The following MINDY2 variants were observed in gnomAD, a reference collection of about 807,000 sequenced individuals.
MINDY2 encodes ubiquitin carboxyl-terminal hydrolase MINDY-2.
MINDY2 carries 52 observed loss-of-function variants against 68.2 expected under a neutral mutation model. The observed-to-expected ratio is 0.76, with a 90% CI of 0.61 to 0.96. The LOEUF (loss-of-function observed/expected upper bound fraction) is 0.96. Among genes scored for constraint, MINDY2 ranks in the 40% least tolerant of loss-of-function variants. The pLI, the probability that MINDY2 is intolerant of heterozygous loss-of-function variation, is 0.00. For missense variants in MINDY2, 881 were observed against 773.4 expected (o/e 1.14, Z -1.65); for synonymous variants, 372 against 303.0 (o/e 1.23, Z -2.36).
chr15:58,838,572 C>CT (rs1411727057), intron 6 of MINDY2, among the ~76,000 whole-genome samples: 3 of 133,434 alleles, frequency 2.2e-5, no homozygotes, highest in African/African-American at 8.6e-5. Flanking sequence ...AGTGGGGCTA[C>CT]TTTTTAGGGA....
chr15:58,788,444 C>T (rs781424246), intron 2 of MINDY2, among the ~76,000 whole-genome samples: 3 of 152,138 alleles, frequency 2.0e-5, no homozygotes, highest in Non-Finnish European at 4.4e-5. Flanking sequence ...TTAGTAAGCA[C>T]ACTGTTTATT....
intron 4 of MINDY2, among the ~76,000 whole-genome samples, chr15:58,813,332 T>C (rs1567057212): frequency 6.6e-6 from 1 of 152,090 alleles, no homozygotes; most frequent in Non-Finnish European, 1.5e-5. Context: ...CCATCTCTAC[T>C]AAAAATACAA....
chr15:58,802,170 C>A (rs1217827919), intron 2 of MINDY2, 143 bp from the exon 3 acceptor site: 1 of 610,020 alleles, frequency 1.6e-6, no homozygotes, highest in African/African-American at 1.9e-5. Flanking sequence ...CATTGATTTT[C>A]TCTGGGTAGG....
intron 6 of MINDY2, among the ~76,000 whole-genome samples, chr15:58,845,968 C>T (rs185584700): frequency 6.6e-6 from 1 of 151,890 alleles, no homozygotes; most frequent in South Asian, 2.1e-4. Flanking sequence ...TTCGCATGTT[C>T]TTTCTTATTT....
At chr15:58,850,871 G>T (rs556912265) in intron 7 of MINDY2, among the ~76,000 whole-genome samples, 29 of 152,180 alleles carry the variant, frequency 1.9e-4, no homozygotes, top group African/African-American at 6.5e-4. Flanking sequence ...ATAGGTGTGT[G>T]CCGTTGTACC....
At chr15:58,850,036 C>T (rs372111580) in intron 7 of MINDY2, among the ~76,000 whole-genome samples, 2 of 152,284 alleles carry the variant, frequency 1.3e-5, no homozygotes, top group South Asian at 4.1e-4. Context: ...TGCACCTGAC[C>T]ACAGGCAAAA....
intron 6 of MINDY2, among the ~76,000 whole-genome samples, chr15:58,844,004 CCTATT>C (rs57361212): frequency 0.19 from 27,439 of 142,796 alleles, 2,768 homozygotes; most frequent in South Asian, 0.37. Context: ...TGCATTAAAA[CCTATT>C]CTATATTATT....
chr15:58,853,125 G>T (rs909503695), intron 8 of MINDY2, among the ~76,000 whole-genome samples: 2 of 151,202 alleles, frequency 1.3e-5, no homozygotes, highest in Admixed American at 6.6e-5. Flanking sequence ...ACTAATTTTT[G>T]TATTTTTAGT....
chr15:58,831,865 A>C lies in MINDY2; in HGVS notation c.1317A>C (p.Glu439Asp). Residue 439 changes from glutamate to aspartate, a missense_variant, in exon 6 of 9, where the codon GAA becomes GAC. Physicochemically the swap from Glu to Asp is conservative, Grantham distance 45. Transcript: ENST00000559228. ...TAACTTCAACGGTTCAGGAAGGAGA[A>C]CTTTGTGTGTTCTTTCGGAATAATC... ...CELTSTVQEG[E>D]LCVFFRNNHF... The C allele has an allele frequency of 6.2e-7, 1 of 1,613,750 alleles. No individual in the cohort carries two copies. The highest frequency in any genetic ancestry group is 1.1e-5 in the South Asian group (1 of 91,052).
intron 6 of MINDY2, among the ~76,000 whole-genome samples, chr15:58,836,547 C>T (rs1344916352): frequency 6.6e-6 from 1 of 152,168 alleles, no homozygotes; most frequent in Non-Finnish European, 1.5e-5. Flanking sequence ...ATTGTACCAG[C>T]TTTCCAATCC....
chr15:58,794,322 G>GT lies in MINDY2; in HGVS notation c.898+6362dup, dbSNP rs772809322. 1.1e-4 allele frequency among the ~76,000 whole-genome samples: 17 copies of GT among 151,604 alleles called. No individual in the cohort carries two copies. In the East Asian group the frequency reaches 1.5e-3, roughly 14 times the overall value. On this transcript the variant is annotated intron_variant, in intron 2 of 8. Coordinates refer to ENST00000559228, the MANE Select transcript of MINDY2 (RefSeq NM_001040450.3). ...GAAACTGTATTACCATGGGAAATGAGTTTCTGAGATAAAGTAGAATAAAAG... is the reference window on the plus strand; with the variant it reads ...GAAACTGTATTACCATGGGAAATGAGTTTTCTGAGATAAAGTAGAATAAAAG...
chr15:58,842,933 A>G (rs2032351435), intron 6 of MINDY2, among the ~76,000 whole-genome samples: 1 of 152,124 alleles, frequency 6.6e-6, no homozygotes, highest in African/African-American at 2.4e-5. Context: ...GTCAACAACT[A>G]TGCTTCACTG....
rs772200901 is a variant in MINDY2, at chr15:58,859,507, C to A, written c.*4897C>A. The stretch of plus-strand genomic sequence containing the variant: ...ATCAGAATCTTAGCGTTCTTAAGTT[C>A]TCTGATAATTTAGTATATTTTATTA... On this transcript the variant is annotated 3_prime_UTR_variant, in exon 9 of 9. Transcript: ENST00000559228. 1 of 152,090 alleles carries A rather than the reference C, an allele frequency of 6.6e-6. No individual in the cohort carries two copies. Among genetic ancestry groups the A allele is most frequent in the Non-Finnish European group, 1.5e-5 (1 of 67,992 alleles). The allele number at this position is 152,090 out of a possible 1,614,324, so 9.4% of individuals were successfully genotyped here.
intron 1 of MINDY2, among the ~76,000 whole-genome samples, chr15:58,787,178 G>C (rs1363100374): frequency 4.5e-5 from 5 of 110,272 alleles, no homozygotes; most frequent in Non-Finnish European, 8.6e-5. Context: ...CTGTTGCCCA[G>C]GCCAGAGGTG....
intron 7 of MINDY2, among the ~76,000 whole-genome samples, chr15:58,849,149 G>T (rs1385004812): frequency 6.6e-6 from 1 of 151,806 alleles, no homozygotes; most frequent in Non-Finnish European, 1.5e-5. Context: ...GGCGGAAGTT[G>T]CAGTGAGCCA....
intron 8 of MINDY2, 34 bp from the exon 9 acceptor site, chr15:58,854,448 T>A: frequency 6.3e-7 from 1 of 1,598,352 alleles, no homozygotes; most frequent in Non-Finnish European, 8.5e-7. Context: ...TCAGAATAGT[T>A]AGAGTAATTT....
intron 1 of MINDY2, among the ~76,000 whole-genome samples, chr15:58,773,306 T>A (rs1013702402): frequency 1.3e-5 from 2 of 152,142 alleles, no homozygotes; most frequent in Non-Finnish European, 2.9e-5. Flanking sequence ...AAAAATAACC[T>A]GGATTCTTCT....
chr15:58,772,170 A>G lies in MINDY2; in HGVS notation c.775A>G (p.Thr259Ala). ...QWKEENTPIITQNENGPCPLL... is the reference protein window; with the variant it reads ...QWKEENTPIIAQNENGPCPLL... ...GAAGGAAGAGAACACACCCATCATC[A>G]CCCAGAATGAGAACGGACCCTGCCC... Residue 259 changes from threonine to alanine, a missense_variant, in exon 1 of 9, where the codon ACC becomes GCC. Coordinates refer to ENST00000559228, the MANE Select transcript of MINDY2 (RefSeq NM_001040450.3). The G allele has an allele frequency of 6.2e-7, 1 of 1,613,906 alleles. No individual in the cohort carries two copies. The highest frequency in any genetic ancestry group is 2.2e-5 in the East Asian group (1 of 44,886).
At chr15:58,773,746 CT>C (rs1900590948) in intron 1 of MINDY2, among the ~76,000 whole-genome samples, 1 of 151,156 alleles carries the variant, frequency 6.6e-6, no homozygotes, top group South Asian at 2.1e-4. Flanking sequence ...TTTAACAGAT[CT>C]TTTAAGGAAG....
Sources: allele counts gnomAD v4.1 joint callset (sites outside exome capture counted in the v4.1 genomes callset), GRCh38; gene constraint gnomAD v4.1.1; transcripts MANE v1.5; gene names NCBI Gene and HGNC (gene_info 2026-07-23, HGNC 2026-07-21).